The following CCNT1 variants were observed in gnomAD, a reference collection of about 807,000 sequenced individuals.
CCNT1 encodes the protein cyclin-T1.
CCNT1 carries 18 observed loss-of-function variants against 67.3 expected under a neutral mutation model. That is an observed-to-expected ratio of 0.27 (90% CI 0.18 to 0.40). The LOEUF (loss-of-function observed/expected upper bound fraction) is 0.40. Ranked by LOEUF, CCNT1 falls within the 10% of genes least tolerant of loss-of-function variation. The probability of loss-of-function intolerance (pLI) is 1.00; values close to 1 mark genes in which losing one functional copy is unlikely to be tolerated. For synonymous variants in CCNT1, 333 were observed against 310.3 expected (o/e 1.07, Z -0.77); for missense variants, 744 against 884.9 (o/e 0.84, Z 2.02).
chr12:48,689,383 A>T lies in CCNT1; in HGVS notation c.*3650T>A, dbSNP rs1286881232. On this transcript the variant is annotated 3_prime_UTR_variant, in exon 9 of 9. Coordinates refer to ENST00000261900, the MANE Select transcript of CCNT1 (RefSeq NM_001240.4). ...ACATCCACGGAGGGATAAAAAGACA[A>T]AATAAAACTTGACAGTGTGATACAA... 1 of 152,210 alleles carries T rather than the reference A, an allele frequency of 6.6e-6. No individual in the cohort carries two copies. Among genetic ancestry groups the T allele is most frequent in the Non-Finnish European group, 1.5e-5 (1 of 68,042 alleles). 9.4% of individuals were successfully genotyped at this position (152,210 alleles called of 1,614,324 possible).
intron 3 of CCNT1, chr12:48,705,505 T>G: frequency 2.7e-6 from 1 of 373,710 alleles, no homozygotes; most frequent in South Asian, 3.4e-5. Flanking sequence ...ACTTCTGGCC[T>G]AAAGTGATTC....
chr12:48,698,241 C>A, intron 5 of CCNT1, 58 bp from the exon 6 acceptor site: 3 of 1,190,384 alleles, frequency 2.5e-6, no homozygotes, highest in South Asian at 3.0e-5. Flanking sequence ...TAGTTCCATT[C>A]ATTCTCAACA....
intron 2 of CCNT1, among the ~76,000 whole-genome samples, chr12:48,713,161 T>C (rs778719137): frequency 1.3e-5 from 2 of 151,702 alleles, no homozygotes; most frequent in Non-Finnish European, 2.9e-5. Flanking sequence ...TTTATTAGTA[T>C]AATTTTATTC....
At position 48,698,231 on chromosome 12, in the gene CCNT1, T is replaced by A. The variant is rs765209057; in HGVS notation, c.497-48A>T. 2.3e-6 allele frequency: 3 copies of A among 1,292,774 alleles called. No homozygotes were observed. In the East Asian group the frequency reaches 7.0e-5, roughly 30 times the overall value. The allele number at this position is 1,292,774 out of a possible 1,614,324, so 80.1% of individuals were successfully genotyped here. A position where few individuals can be genotyped will look rare whatever the true frequency, so the allele number is the denominator to read the frequency against. On this transcript the variant is annotated intron_variant, in intron 5 of 8. Transcript: ENST00000261900. ...AGGGGTGGGGGAGGAAAAAAGTTAT[T>A]AGTTCCATTCATTCTCAACAAATAT...
Position 48,693,256 on chromosome 12 carries a change from T to C in CCNT1, c.1958A>G (p.Gln653Arg). The C allele has an allele frequency of 2.5e-6, 4 of 1,614,232 alleles. No individual in the cohort carries two copies. In the South Asian group the frequency reaches 4.4e-5, roughly 18 times the overall value. ...CACAGTGTCTTGATAGTCTATTGTC[T>C]GGGTCGTGTTGTGACCATTGGCCCC... ...PTGANGHNTTQTIDYQDTVNM... is the reference protein window; with the variant it reads ...PTGANGHNTTRTIDYQDTVNM... Residue 653 changes from glutamine (Q) to arginine (R), a missense_variant, in exon 9 of 9, where the codon CAG becomes CGG. Gln to Arg is a conservative substitution (Grantham distance 43). Around this residue, in one of 3 missense-constraint regions of CCNT1, gnomAD observed 564 missense variants for 574.2 expected, o/e 0.98. Coordinates refer to ENST00000261900, the MANE Select transcript of CCNT1 (RefSeq NM_001240.4).
In CCNT1 at chr12:48,688,871, G is replaced by A. The variant is rs564141470; in HGVS notation, c.*4162C>T. 92 of 152,076 alleles carry A rather than the reference G, an allele frequency of 6.0e-4. No individual in the cohort carries two copies. The highest frequency in any genetic ancestry group is 2.2e-3 in the African/African-American group (91 of 41,510). The allele number at this position is 152,076 out of a possible 1,614,324, so 9.4% of individuals were successfully genotyped here. ...AAAGAGTTTTAGGTGTGTGAAGTAG[G>A]GTGGGAAAAAAGGTCAGTTTCAAAT... On this transcript the variant is annotated 3_prime_UTR_variant, in exon 9 of 9. Transcript: ENST00000261900.
Position 48,691,131 on chromosome 12 carries a change from C to G in CCNT1, c.*1902G>C, listed in dbSNP as rs1592115749. ...TCAACAGAGAGCTCCTCGTTTTATA[C>G]CCAGCAATGGCAGGAACTCTAGACA... On this transcript the variant is annotated 3_prime_UTR_variant, in exon 9 of 9. Transcript: ENST00000261900. 6.6e-6 allele frequency: 1 copy of G among 152,144 alleles called. No individual in the cohort carries two copies. 9.4% of individuals were successfully genotyped at this position (152,144 alleles called of 1,614,324 possible).
chr12:48,711,521 C>T (rs11168694), intron 2 of CCNT1, among the ~76,000 whole-genome samples: 34,016 of 152,038 alleles, frequency 0.22, 4,802 homozygotes, highest in Non-Finnish European at 0.33. Flanking sequence ...AATTTCAAGT[C>T]TTTATCATAA....
chr12:48,694,427 C>A lies in CCNT1; in HGVS notation c.787G>T (p.Ala263Ser), dbSNP rs778621038. The A allele has an allele frequency of 8.1e-6, 13 of 1,610,358 alleles. No homozygotes were observed. The East Asian group carries it at 2.9e-4, about 36-fold the overall frequency. ...TCATCTGCTTTTGTTTTCTTGGCAG[C>A]CTCGCATGCCTGCAATGAAGCAAAT... Reference protein sequence around the residue: ...KRIWNWRACEAAKKTKADDRG... With the variant: ...KRIWNWRACESAKKTKADDRG... The change falls in exon 9 of 9, where the codon GCT becomes TCT. Residue 263 changes from alanine (A) to serine (S), a missense_variant. Around this residue, in one of 3 missense-constraint regions of CCNT1, gnomAD observed 564 missense variants for 574.2 expected, o/e 0.98. Transcript: ENST00000261900.
In CCNT1 at chr12:48,712,866, C is replaced by T. The variant is rs377760634; in HGVS notation, c.243+1577G>A. ...GAGGAAAGAGGATTGCTTGAATCTG[C>T]GAGGCGGAGGTTGCAAAGGGCCAAG... is the stretch of plus-strand genomic sequence containing the variant. On this transcript the variant is annotated intron_variant, in intron 2 of 8. Transcript: ENST00000261900. Among the ~76,000 whole-genome samples, 7 of 151,520 alleles carry T rather than the reference C, an allele frequency of 4.6e-5. No individual in the cohort carries two copies. The East Asian group carries it at 9.7e-4, about 21-fold the overall frequency.
intron 1 of CCNT1, 80 bp from the exon 2 acceptor site, chr12:48,714,604 T>C (rs1043510713): frequency 6.6e-5 from 53 of 805,252 alleles, no homozygotes; most frequent in Non-Finnish European, 1.0e-4. Context: ...CCCAAAAGGA[T>C]GAAATGGCCA....
chr12:48,701,927 C>T (rs145743587), intron 3 of CCNT1, among the ~76,000 whole-genome samples: 2,265 of 147,160 alleles, frequency 0.015, 22 homozygotes, highest in Middle Eastern at 0.052. Flanking sequence ...GAGGGAGTCT[C>T]GCTCTGCTGC....
intron 1 of CCNT1, 116 bp downstream of exon 1, chr12:48,716,399 A>C: frequency 1.0e-6 from 1 of 965,182 alleles, no homozygotes; most frequent in Non-Finnish European, 1.5e-6. Flanking sequence ...CCAACTAGAC[A>C]TCCAGCTTCT....
intron 1 of CCNT1, 32 bp from the exon 2 acceptor site, chr12:48,714,556 G>A (rs1249500298): frequency 1.4e-6 from 2 of 1,420,422 alleles, no homozygotes; most frequent in South Asian, 2.3e-5. Context: ...CCAAAAACAG[G>A]CAGGTATAAT....
At chr12:48,705,009 CAA>C (rs1402930692) in intron 3 of CCNT1, among the ~76,000 whole-genome samples, 1 of 152,002 alleles carries the variant, frequency 6.6e-6, no homozygotes, top group Non-Finnish European at 1.5e-5. Flanking sequence ...TCCCAGGTGC[CAA>C]AAAAGGTCTG....
At chr12:48,711,950 G>A (rs150688972) in intron 2 of CCNT1, among the ~76,000 whole-genome samples, 2,946 of 152,060 alleles carry the variant, frequency 0.019, 104 homozygotes, top group African/African-American at 0.067. Flanking sequence ...CCACCGCCAC[G>A]CCCGGCTAAT....
intron 2 of CCNT1, among the ~76,000 whole-genome samples, chr12:48,709,094 G>C (rs548817769): frequency 2.6e-5 from 4 of 152,180 alleles, no homozygotes; most frequent in African/African-American, 9.6e-5. Context: ...GGTTGGGGGG[G>C]ACTATAACTA....
At chr12:48,709,387 A>G (rs1298547337) in intron 2 of CCNT1, among the ~76,000 whole-genome samples, 1 of 152,198 alleles carries the variant, frequency 6.6e-6, no homozygotes, top group African/African-American at 2.4e-5. Flanking sequence ...TGACACTACA[A>G]AAATTTTTAT....
rs113448444 is a variant in CCNT1, at chr12:48,712,507, G to A, written c.243+1936C>T. ...TCAAACTCCCGACCTCAGGTGATCC[G>A]CCCGCCTCAGCCTCCTAAAGTTGTG... is the stretch of plus-strand genomic sequence containing the variant. On this transcript the variant is annotated intron_variant, in intron 2 of 8. Transcript: ENST00000261900. Among the ~76,000 whole-genome samples, 343 of 130,630 alleles carry A rather than the reference G, an allele frequency of 2.6e-3. 4 individuals carry two copies. Among genetic ancestry groups the A allele is most frequent in the Middle Eastern group, 0.021 (4 of 190 alleles). 85.7% of individuals were successfully genotyped at this position (130,630 alleles called of 152,430 possible). A position where few individuals can be genotyped will look rare whatever the true frequency, so the allele number is the denominator to read the frequency against.
Sources: allele counts gnomAD v4.1 joint callset (sites outside exome capture counted in the v4.1 genomes callset), GRCh38; gene constraint gnomAD v4.1.1; regional missense constraint gnomAD v4.1.1; transcripts MANE v1.5; gene names NCBI Gene and HGNC (gene_info 2026-07-23, HGNC 2026-07-21).